MAN2A1: variants seen among roughly 807,000 people sequenced by gnomAD.
MAN2A1 encodes the protein alpha-mannosidase 2.
In MAN2A1, 76 loss-of-function variants were observed where a neutral mutation model predicts 142.6. The ratio of observed to expected loss-of-function variants is 0.53; its 90% CI spans 0.44 to 0.65. The LOEUF is 0.65. Among genes scored for constraint, MAN2A1 ranks in the 30% least tolerant of loss-of-function variants. MAN2A1 has a pLI of 0.00. For missense variants in MAN2A1, 1,311 were observed against 1,365.1 expected (o/e 0.96, Z 0.62); for synonymous variants, 559 against 473.2 (o/e 1.18, Z -2.35).
At chr5:109,708,509 G>GACACACAC (rs145989678) in intron 1 of MAN2A1, among the ~76,000 whole-genome samples, 11,349 of 124,494 alleles carry the variant, frequency 0.091, 1,026 homozygotes, top group African/African-American at 0.2. Flanking sequence ...GAACTGATAG[G>GACACACAC]ACACACACAC....
Position 109,784,629 on chromosome 5 carries a change from A to G in MAN2A1, c.1578-115A>G. 5.7e-6 allele frequency: 4 copies of G among 701,310 alleles called. No homozygotes were observed. In the South Asian group the frequency reaches 9.3e-5, roughly 16 times the overall value. 43.4% of individuals were successfully genotyped at this position (701,310 alleles called of 1,614,324 possible). ...ATTATTACCAATATCTTTTTCATAAATTGCTTGTACTGCAATTATGGATTA... is the reference window on the plus strand; with the variant it reads ...ATTATTACCAATATCTTTTTCATAAGTTGCTTGTACTGCAATTATGGATTA... On this transcript the variant is annotated intron_variant, in intron 9 of 21. Coordinates refer to ENST00000261483, the MANE Select transcript of MAN2A1 (RefSeq NM_002372.4).
Position 109,792,036 on chromosome 5 carries a change from T to C in MAN2A1, c.1943+2509T>C, listed in dbSNP as rs77395550. ...TATATCATGTGTGGATTCGTAGTTT[T>C]TGTGTAGAAAACAGATACTTCAGAA... On this transcript the variant is annotated intron_variant, in intron 12 of 21. Transcript: ENST00000261483. Among the ~76,000 whole-genome samples the C allele has an allele frequency of 6.5e-3, 990 of 152,152 alleles. 16 individuals are homozygous for C. Among genetic ancestry groups the C allele is most frequent in the African/African-American group, 0.022 (927 of 41,506 alleles).
chr5:109,795,232 G>T (rs1022788406), intron 12 of MAN2A1, among the ~76,000 whole-genome samples: 4 of 151,958 alleles, frequency 2.6e-5, no homozygotes, highest in Admixed American at 6.6e-5. Flanking sequence ...AAATATAAAG[G>T]TCTCTTGGGG....
intron 4 of MAN2A1, among the ~76,000 whole-genome samples, chr5:109,733,206 T>C (rs1161741774): frequency 1.3e-5 from 2 of 152,192 alleles, no homozygotes; most frequent in Non-Finnish European, 2.9e-5. Flanking sequence ...TTTTTGTACG[T>C]TGATTTTGTA....
At chr5:109,703,996 TAGAA>T (rs1751059328) in intron 1 of MAN2A1, among the ~76,000 whole-genome samples, 1 of 152,228 alleles carries the variant, frequency 6.6e-6, no homozygotes, top group Non-Finnish European at 1.5e-5. Context: ...CTGGAACCTG[TAGAA>T]AACGTCAGCA....
chr5:109,833,789 A>G (rs954519697), intron 16 of MAN2A1, among the ~76,000 whole-genome samples: 1 of 152,172 alleles, frequency 6.6e-6, no homozygotes, highest in Non-Finnish European at 1.5e-5. Context: ...TAAGCCACAG[A>G]CTGATCTATC....
At chr5:109,724,735 T>G (rs1015269390) in intron 3 of MAN2A1, among the ~76,000 whole-genome samples, 6 of 151,668 alleles carry the variant, frequency 4.0e-5, no homozygotes, top group Non-Finnish European at 8.8e-5. Context: ...ACCATAGCAG[T>G]GTAACAGTGC....
chr5:109,819,248 A>AT (rs149663192), intron 13 of MAN2A1, among the ~76,000 whole-genome samples: 2,826 of 152,274 alleles, frequency 0.019, 34 homozygotes, highest in Middle Eastern at 0.068. Flanking sequence ...CTAAGCTATG[A>AT]TTTTGGATAG....
chr5:109,730,870 G>C (rs1436823668), intron 4 of MAN2A1, among the ~76,000 whole-genome samples: 2 of 152,076 alleles, frequency 1.3e-5, no homozygotes, highest in African/African-American at 2.4e-5. Context: ...TGCACACTGC[G>C]CCATCCTGCC....
intron 3 of MAN2A1, among the ~76,000 whole-genome samples, chr5:109,718,272 TA>T (rs946821454): frequency 2.6e-5 from 4 of 152,258 alleles, no homozygotes; most frequent in African/African-American, 9.6e-5. Flanking sequence ...CTTGATTTTT[TA>T]AAAGACCTTT....
chr5:109,703,838 T>C (rs1210788389), intron 1 of MAN2A1, among the ~76,000 whole-genome samples: 1 of 152,268 alleles, frequency 6.6e-6, no homozygotes, highest in Non-Finnish European at 1.5e-5. Context: ...TTGCATAGTC[T>C]CATTTTATGT....
chr5:109,855,719 C>G (rs370109961), intron 20 of MAN2A1, among the ~76,000 whole-genome samples: 4 of 152,260 alleles, frequency 2.6e-5, no homozygotes, highest in Admixed American at 6.5e-5. Context: ...GTACCTTTCT[C>G]TTGAGAATCA....
At chr5:109,714,091 T>TA (rs1359197978) in intron 2 of MAN2A1, among the ~76,000 whole-genome samples, 3 of 152,116 alleles carry the variant, frequency 2.0e-5, no homozygotes. Flanking sequence ...GATTTTTTTT[T>TA]ACCTTCCTTT....
chr5:109,833,625 G>T (rs1334326743), intron 16 of MAN2A1, among the ~76,000 whole-genome samples: 2 of 150,998 alleles, frequency 1.3e-5, no homozygotes, highest in Non-Finnish European at 2.9e-5. Context: ...CAGCACTACA[G>T]TCCGGCCTCT....
chr5:109,862,115 G>A (rs976799238), intron 20 of MAN2A1, among the ~76,000 whole-genome samples: 5 of 152,132 alleles, frequency 3.3e-5, no homozygotes, highest in East Asian at 1.9e-4. Context: ...TTGTCACTGC[G>A]GTTGACCCTC....
At chr5:109,816,127 A>G (rs1421078598) in intron 12 of MAN2A1, among the ~76,000 whole-genome samples, 7 of 152,212 alleles carry the variant, frequency 4.6e-5, no homozygotes, top group South Asian at 4.1e-4. Flanking sequence ...GAGTTATGCT[A>G]GTAAGAAAAT....
intron 7 of MAN2A1, among the ~76,000 whole-genome samples, chr5:109,772,270 G>A (rs1000219434): frequency 2.6e-5 from 4 of 152,260 alleles, no homozygotes; most frequent in East Asian, 3.9e-4. Context: ...TCAGGAGGCT[G>A]AGGTAGGAGA....
intron 16 of MAN2A1, among the ~76,000 whole-genome samples, chr5:109,831,864 A>T (rs1443399949): frequency 6.6e-6 from 1 of 151,930 alleles, no homozygotes; most frequent in East Asian, 1.9e-4. Flanking sequence ...AGTCTGTTAT[A>T]AGGCTCTAAG....
At chr5:109,733,970 C>T (rs752486614) in intron 4 of MAN2A1, among the ~76,000 whole-genome samples, 2,065 of 152,080 alleles carry the variant, frequency 0.014, 25 homozygotes, top group Non-Finnish European at 0.022. Context: ...TGGTAGAATT[C>T]GGCTGTGAAT....
Sources: gnomAD v4.1 joint callset for allele counts (sites outside exome capture counted in the v4.1 genomes callset) on GRCh38, gnomAD v4.1.1 for gene constraint, MANE v1.5 for transcripts, NCBI Gene and HGNC (gene_info 2026-07-23, HGNC 2026-07-21) for gene names.